Variants in NDE1 observed in about 807,000 individuals in gnomAD.
NDE1 encodes the protein nuclear distribution protein nudE homolog 1.
In NDE1, 28 loss-of-function variants were observed where a neutral mutation model predicts 43.4. The ratio of observed to expected loss-of-function variants is 0.65; its 90% CI spans 0.48 to 0.89. The LOEUF is 0.89. Among genes scored for constraint, NDE1 ranks in the 40% least tolerant of loss-of-function variants. The pLI is 0.00. For synonymous variants in NDE1, 184 were observed against 172.0 expected (o/e 1.07, Z -0.55); for missense variants, 441 against 434.1 (o/e 1.02, Z -0.14).
At chr16:15,658,106 C>T (rs2036860145) in intron 1 of NDE1, among the ~76,000 whole-genome samples, 1 of 152,188 alleles carries the variant, frequency 6.6e-6, no homozygotes, top group South Asian at 2.1e-4. Context: ...GCCCAGCTTT[C>T]CTCTGTTTTG....
exon 1 of NDE1, chr16:15,643,569 G>T (rs987847102): frequency 6.2e-6 from 2 of 320,378 alleles, no homozygotes; most frequent in Admixed American, 5.6e-5. Context: ...TGTCCCTTCG[G>T]CTTTTTTTTT....
intron 8 of NDE1, chr16:15,699,738 G>A (rs2039162998): frequency 1.5e-6 from 2 of 1,351,108 alleles, no homozygotes; most frequent in Non-Finnish European, 2.0e-6. Context: ...GGTTGGGGAA[G>A]CGCCTGGAAT....
intron 4 of NDE1, among the ~76,000 whole-genome samples, chr16:15,681,823 C>G (rs2038198106): frequency 6.6e-6 from 1 of 152,128 alleles, no homozygotes; most frequent in Non-Finnish European, 1.5e-5. Flanking sequence ...AAGCTATTCT[C>G]CTGCCTCAGC....
At position 15,724,828 on chromosome 16, in the gene NDE1, G is replaced by A. The variant is rs748989704; in HGVS notation, c.*577G>A. ...CAAAAGGGATGCAAAGAGGTCCCAG[G>A]GACCTGCCCCGAGGAAGGCCACCCC... On this transcript the variant is annotated 3_prime_UTR_variant, in exon 9 of 9. Coordinates refer to ENST00000396354, the MANE Select transcript of NDE1 (RefSeq NM_017668.3). 2.0e-5 allele frequency: 32 copies of A among 1,613,534 alleles called. No individual in the cohort carries two copies. Among genetic ancestry groups the A allele is most frequent in the Non-Finnish European group, 2.6e-5 (31 of 1,179,994 alleles).
chr16:15,663,514 T>G (rs2037153108), intron 1 of NDE1, among the ~76,000 whole-genome samples: 1 of 152,044 alleles, frequency 6.6e-6, no homozygotes, highest in African/African-American at 2.4e-5. Flanking sequence ...TGTGCTGGGA[T>G]TACAGGCGTG....
chr16:15,654,854 A>G (rs1330222831), intron 1 of NDE1, among the ~76,000 whole-genome samples: 2 of 150,738 alleles, frequency 1.3e-5, no homozygotes, highest in Non-Finnish European at 2.9e-5. Context: ...CACAGCTTAA[A>G]GAAGATAATG....
intron 8 of NDE1, among the ~76,000 whole-genome samples, chr16:15,705,728 T>C (rs139410313): frequency 1.3e-5 from 2 of 152,004 alleles, no homozygotes; most frequent in Non-Finnish European, 1.5e-5. Flanking sequence ...ACACCTGTAA[T>C]CTCAGCACTT....
chr16:15,715,972 C>A (rs117066936), intron 8 of NDE1, among the ~76,000 whole-genome samples: 3 of 150,866 alleles, frequency 2.0e-5, no homozygotes, highest in East Asian at 2.0e-4. Flanking sequence ...CTAAAAAATA[C>A]AATTACAAGC....
chr16:15,675,746 A>G (rs1239190936), intron 3 of NDE1, among the ~76,000 whole-genome samples: 1 of 152,126 alleles, frequency 6.6e-6, no homozygotes, highest in Non-Finnish European at 1.5e-5. Flanking sequence ...GGTGAAGGAA[A>G]GTAATTTGGA....
rs927674318 is a variant in NDE1 at position 15,694,974 on chromosome 16, C to T, written c.795+718C>T. ...TTACTTGAGCTCAGGAGTCTGACACCAGCCCGGGCAACATGGTGAAACCCC... is the reference window on the plus strand; with the variant it reads ...TTACTTGAGCTCAGGAGTCTGACACTAGCCCGGGCAACATGGTGAAACCCC... On this transcript the variant is annotated intron_variant, in intron 7 of 8. Coordinates refer to ENST00000396354, the MANE Select transcript of NDE1 (RefSeq NM_017668.3). 39 of 920,980 alleles carry T rather than the reference C, an allele frequency of 4.2e-5. 2 individuals carry two copies. The highest frequency in any genetic ancestry group is 6.2e-5 in the Admixed American group (1 of 16,134). The allele number at this position is 920,980 out of a possible 1,614,324, so 57.1% of individuals were successfully genotyped here. A position where few individuals can be genotyped will look rare whatever the true frequency, so the allele number is the denominator to read the frequency against.
intron 2 of NDE1, among the ~76,000 whole-genome samples, chr16:15,666,463 A>C (rs1335982463): frequency 6.6e-6 from 1 of 152,126 alleles, no homozygotes; most frequent in Non-Finnish European, 1.5e-5. Flanking sequence ...TACAGAAATT[A>C]GCAGGCATGG....
intron 6 of NDE1, among the ~76,000 whole-genome samples, chr16:15,693,180 T>G (rs2031075): frequency 0.54 from 82,096 of 151,876 alleles, 22,908 homozygotes; most frequent in Middle Eastern, 0.66. Context: ...TAATTTTGTA[T>G]TTTTAGTAGA....
At chr16:15,645,301 T>G (rs2036309984), upstream of NDE1, among the ~76,000 whole-genome samples, 1 of 152,132 alleles carries the variant, frequency 6.6e-6, no homozygotes, top group South Asian at 2.1e-4. Flanking sequence ...TTCTTTCAAG[T>G]CCAAAGCTGT....
chr16:15,659,729 G>A (rs149556566), intron 1 of NDE1, among the ~76,000 whole-genome samples: 1,521 of 146,770 alleles, frequency 0.01, 32 homozygotes, highest in African/African-American at 0.035. Flanking sequence ...GAGCCACTGC[G>A]CCCGGCCTTG....
chr16:15,699,731 TG>T, intron 8 of NDE1: 1 of 1,350,876 alleles, frequency 7.4e-7, no homozygotes, highest in Non-Finnish European at 9.8e-7. Flanking sequence ...GTCTGAAGGT[TG>T]GGGAAGCGCC....
chr16:15,700,103 C>A, intron 8 of NDE1: 1 of 1,131,854 alleles, frequency 8.8e-7, no homozygotes. Flanking sequence ...ATGAGGCTAC[C>A]GTGTTGTTTT....
At chr16:15,666,949 A>G (rs576281597) in intron 2 of NDE1, among the ~76,000 whole-genome samples, 1 of 152,270 alleles carries the variant, frequency 6.6e-6, no homozygotes, top group African/African-American at 2.4e-5. Context: ...TATTTTTAAA[A>G]TATTCCTTGA....
Position 15,725,294 on chromosome 16 carries a change from G to T in NDE1, c.*1043G>T, listed in dbSNP as rs1390115602. On this transcript the variant is annotated 3_prime_UTR_variant, in exon 9 of 9. Coordinates refer to ENST00000396354, the MANE Select transcript of NDE1 (RefSeq NM_017668.3). The stretch of plus-strand genomic sequence containing the variant: ...GACTGGGACCTGATCCCACTAAATG[G>T]ATCCTAGATCCCTGCCAAGGTTGGT... 4 of 573,082 alleles carry T rather than the reference G, an allele frequency of 7.0e-6. No individual in the cohort carries two copies. In the African/African-American group the frequency reaches 7.5e-5, roughly 11 times the overall value. 35.5% of individuals were successfully genotyped at this position (573,082 alleles called of 1,614,324 possible). A position where few individuals can be genotyped will look rare whatever the true frequency, so the allele number is the denominator to read the frequency against.
chr16:15,724,083 C>A lies in NDE1; in HGVS notation c.948-108C>A. 3.1e-6 allele frequency: 5 copies of A among 1,602,472 alleles called. No individual in the cohort carries two copies. In the South Asian group the frequency reaches 5.5e-5, roughly 18 times the overall value. On this transcript the variant is annotated intron_variant, in intron 8 of 8. Transcript: ENST00000396354. ...GAGGGGATGCAGGCACAGGCCAGAG[C>A]CACGCGTCATACTCTGCAGAGCTGA...
Sources: allele counts gnomAD v4.1 joint callset (sites outside exome capture counted in the v4.1 genomes callset), GRCh38; gene constraint gnomAD v4.1.1; transcripts MANE v1.5; gene names NCBI Gene and HGNC (gene_info 2026-07-23, HGNC 2026-07-21).